RASEF: variants seen among roughly 807,000 people sequenced by gnomAD.
RASEF encodes ras and EF-hand domain-containing protein.
RASEF carries 68 observed loss-of-function variants against 90.1 expected under a neutral mutation model. That is an observed-to-expected ratio of 0.75 (90% CI 0.62 to 0.92). RASEF has a LOEUF of 0.92. Among genes scored for constraint, RASEF ranks in the 40% least tolerant of loss-of-function variants. The pLI, the probability that RASEF is intolerant of heterozygous loss-of-function variation, is 0.00. For missense variants in RASEF, 949 were observed against 937.2 expected, an observed-to-expected ratio of 1.01 and a Z score of -0.16; for synonymous variants, 331 against 345.2, an observed-to-expected ratio of 0.96 and a Z score of 0.46.
the RASEF span, among the ~76,000 whole-genome samples, chr9:83,157,223 C>G: frequency 5.9e-5 from 9 of 152,336 alleles, no homozygotes; most frequent in East Asian, 1.7e-3. Flanking sequence ...TGAAAGTATG[C>G]ATAAAATAGG....
intron 14 of RASEF, among the ~76,000 whole-genome samples, chr9:82,994,416 C>T (rs1343144908): frequency 6.6e-6 from 1 of 152,198 alleles, no homozygotes; most frequent in Non-Finnish European, 1.5e-5. Context: ...CCCAGTGAGG[C>T]TACCTTGAAG....
At chr9:82,992,204 C>T (rs1828829221) in intron 15 of RASEF, among the ~76,000 whole-genome samples, 1 of 152,192 alleles carries the variant, frequency 6.6e-6, no homozygotes, top group Admixed American at 6.5e-5. Context: ...AACATCAAAT[C>T]AGACTGCTGC....
chr9:83,218,154 G>A, the RASEF span, among the ~76,000 whole-genome samples: 2 of 152,180 alleles, frequency 1.3e-5, no homozygotes, highest in Admixed American at 1.3e-4. Context: ...TGGGTGAAAG[G>A]TAGCATGAAT....
chr9:82,982,873 T>C, intron 16 of RASEF, 91 bp from the exon 17 acceptor site: 1 of 785,302 alleles, frequency 1.3e-6, no homozygotes, highest in Non-Finnish European at 2.3e-6. Context: ...GATGGTTCTG[T>C]AGAAATAAAA....
the RASEF span, among the ~76,000 whole-genome samples, chr9:83,090,874 ATTATTATTATGATC>A: frequency 6.6e-6 from 1 of 151,974 alleles, no homozygotes; most frequent in African/African-American, 2.4e-5. Flanking sequence ...AATAATAATA[ATTATTATTATGATC>A]TTATTATTAT....
chr9:83,216,827 G>A, the RASEF span, among the ~76,000 whole-genome samples: 9 of 152,018 alleles, frequency 5.9e-5, no homozygotes, highest in Admixed American at 4.6e-4. Flanking sequence ...CCAAAACAAA[G>A]GGGCTATAGG....
intron 1 of RASEF, among the ~76,000 whole-genome samples, chr9:83,042,830 T>TTAAAA (rs1166376689): frequency 2.4e-4 from 37 of 152,172 alleles, no homozygotes; most frequent in Non-Finnish European, 5.1e-4. Context: ...TTCTAATGTA[T>TTAAAA]CTGATAATTT....
chr9:83,056,150 CT>C (rs1364155292), intron 1 of RASEF, among the ~76,000 whole-genome samples: 1 of 152,210 alleles, frequency 6.6e-6, no homozygotes, highest in African/African-American at 2.4e-5. Flanking sequence ...AAAATTCACT[CT>C]TCTTATAATT....
At chr9:83,137,014 G>C in the RASEF span, among the ~76,000 whole-genome samples, 3 of 151,998 alleles carry the variant, frequency 2.0e-5, no homozygotes, top group African/African-American at 4.8e-5. Context: ...TCCTTTGTCA[G>C]TTTTTATTAT....
chr9:83,141,206 T>C, the RASEF span, among the ~76,000 whole-genome samples: 1 of 147,424 alleles, frequency 6.8e-6, no homozygotes, highest in Non-Finnish European at 1.5e-5. Flanking sequence ...TAAACAAGTG[T>C]AAAGAAACTA....
the RASEF span, among the ~76,000 whole-genome samples, chr9:83,131,732 T>A: frequency 1.3e-5 from 2 of 152,158 alleles, no homozygotes; most frequent in Admixed American, 1.3e-4. Flanking sequence ...CTCTCTCTGA[T>A]CCATGAAAAC....
At chr9:83,161,100 C>CT in the RASEF span, among the ~76,000 whole-genome samples, 1 of 151,554 alleles carries the variant, frequency 6.6e-6, no homozygotes, top group East Asian at 1.9e-4. Flanking sequence ...GGGGTCTGAG[C>CT]CCCCCCCACA....
chr9:83,138,216 C>T, the RASEF span, among the ~76,000 whole-genome samples: 1 of 152,034 alleles, frequency 6.6e-6, no homozygotes, highest in Non-Finnish European at 1.5e-5. Context: ...TTTCAGATGG[C>T]ACTGTTACTG....
rs1449223867 is a variant in RASEF, at chr9:82,992,910, G to A, written c.2036C>T (p.Ala679Val). The part of the protein sequence containing the change: ...CVPGHFGEKL[A>V]MTYGALFCET... ...CTGAGGCATCCTCACTCTTACCATG[G>A]CCAGTTTCTCTCCAAAGTGCCCTGG... is the stretch of plus-strand genomic sequence containing the variant. Residue 679 changes from alanine (A) to valine (V), a missense_variant, in exon 15 of 17, where the codon GCC (alanine) becomes GTC (valine). Around this residue, in one of 3 missense-constraint regions of RASEF, gnomAD observed 288 missense variants for 328.4 expected, o/e 0.88. Transcript: ENST00000376447. 1.9e-6 allele frequency: 3 copies of A among 1,613,526 alleles called. No homozygotes were observed. The East Asian group carries it at 6.7e-5, about 36-fold the overall frequency.
chr9:82,994,646 T>C (rs2118409206), intron 14 of RASEF, among the ~76,000 whole-genome samples: 1 of 152,270 alleles, frequency 6.6e-6, no homozygotes, highest in East Asian at 1.9e-4. Flanking sequence ...ACCGGGCAGA[T>C]CCTCAAAAAA....
chr9:83,217,291 C>G, the RASEF span, among the ~76,000 whole-genome samples: 2 of 152,106 alleles, frequency 1.3e-5, no homozygotes, highest in African/African-American at 4.8e-5. Context: ...AGACTTTGGA[C>G]TGTGGACTTT....
At chr9:83,153,948 T>C in the RASEF span, among the ~76,000 whole-genome samples, 1 of 152,170 alleles carries the variant, frequency 6.6e-6, no homozygotes, top group Admixed American at 6.6e-5. Context: ...CACCACCCAC[T>C]TGACAGGCTG....
chr9:83,081,093 G>A, the RASEF span, among the ~76,000 whole-genome samples: 1 of 151,982 alleles, frequency 6.6e-6, no homozygotes, highest in African/African-American at 2.4e-5. Flanking sequence ...TGATCCTCAG[G>A]CAGGTGCTAT....
chr9:83,023,914 A>G (rs528633925), intron 2 of RASEF, among the ~76,000 whole-genome samples: 1 of 152,342 alleles, frequency 6.6e-6, no homozygotes, highest in Admixed American at 6.5e-5. Context: ...TTTGTAAATC[A>G]GGGTGATGCA....
Sources: allele counts gnomAD v4.1 joint callset (sites outside exome capture counted in the v4.1 genomes callset), GRCh38; gene constraint gnomAD v4.1.1; regional missense constraint gnomAD v4.1.1; transcripts MANE v1.5; gene names NCBI Gene and HGNC (gene_info 2026-07-23, HGNC 2026-07-21).